EPB41L1: variants seen among roughly 807,000 people sequenced by gnomAD.
EPB41L1 encodes the protein band 4.1-like protein 1.
A neutral mutation model predicts 97.8 loss-of-function variants in EPB41L1; 29 were observed. The ratio of observed to expected loss-of-function variants is 0.30; its 90% CI spans 0.22 to 0.40. EPB41L1 has a LOEUF of 0.40. EPB41L1 is among the 10% of genes least tolerant of loss of function. EPB41L1 has a pLI of 1.00. For missense variants in EPB41L1, 812 were observed against 1,162.3 expected (o/e 0.70, Z 4.38); for synonymous variants, 383 against 459.2 (o/e 0.83, Z 2.12).
In EPB41L1 at chr20:36,222,359, G is replaced by T; in HGVS notation, c.2602G>T (p.Asp868Tyr). The change falls in exon 21 of 22, where the codon GAC (aspartate) becomes TAC (tyrosine). Residue 868 changes from aspartate to tyrosine, a missense_variant. Asp to Tyr is a radical substitution (Grantham distance 160, BLOSUM62 -3). Coordinates refer to ENST00000338074, the MANE Select transcript of EPB41L1 (RefSeq NM_012156.2). ...VTKAVVYRET[D>Y]PSPEERDKKP... Reference sequence around the variant, plus strand: ...CAAAGCTGTCGTATACAGAGAAACAGACCCATCCCCAGAGGAGAGGGACAA... The same window carrying T: ...CAAAGCTGTCGTATACAGAGAAACATACCCATCCCCAGAGGAGAGGGACAA... The T allele has an allele frequency of 2.5e-6, 4 of 1,614,102 alleles. No homozygotes were observed. The highest frequency in any genetic ancestry group is 3.4e-6 in the Non-Finnish European group (4 of 1,180,022).
chr20:36,107,526 T>C (rs1209615893), intron 1 of EPB41L1, among the ~76,000 whole-genome samples: 2 of 151,384 alleles, frequency 1.3e-5, no homozygotes, highest in African/African-American at 4.8e-5. Context: ...GCTTTTTTTT[T>C]TTTTTTTTAA....
rs994177611 is a variant in EPB41L1 at position 36,230,766 on chromosome 20, TTCTC to T, written c.*1430_*1433del. The T allele has an allele frequency of 6.7e-6, 1 of 149,952 alleles. No individual in the cohort carries two copies. The highest frequency in any genetic ancestry group is 2.5e-5 in the African/African-American group (1 of 39,318). 9.3% of individuals were successfully genotyped at this position (149,952 alleles called of 1,614,324 possible). On this transcript the variant is annotated 3_prime_UTR_variant, in exon 22 of 22. Coordinates refer to ENST00000338074, the MANE Select transcript of EPB41L1 (RefSeq NM_012156.2). Reference sequence around the variant, plus strand: ...CCTTGGTTTTCAGTCTTCTCTCTCTTTCTCTCTTTTTTTTTTTTTTGCCACATTC... The same window carrying T: ...CCTTGGTTTTCAGTCTTCTCTCTCTTTCTTTTTTTTTTTTTTGCCACATTC...
Position 36,118,869 on chromosome 20 carries a change from G to C in EPB41L1, c.-10+6389G>C, listed in dbSNP as rs145096772. On this transcript the variant is annotated intron_variant, in intron 2 of 19. Coordinates refer to the EPB41L1 transcript ENST00000202028. ...ACAGCAGCTGTAAGGAGGACTTAGG[G>C]CAAGAATAATGATCCCCATTTAACA... is the stretch of plus-strand genomic sequence containing the variant. Among the ~76,000 whole-genome samples, 409 of 152,226 alleles carry C rather than the reference G, an allele frequency of 2.7e-3. 3 individuals carry two copies. Among genetic ancestry groups the C allele is most frequent in the African/African-American group, 9.4e-3 (389 of 41,530 alleles).
In EPB41L1 at chr20:36,190,830, T is replaced by C. The variant is rs747922966; in HGVS notation, c.1300+33T>C. On this transcript the variant is annotated intron_variant, in intron 11 of 21. Coordinates refer to ENST00000338074, the MANE Select transcript of EPB41L1 (RefSeq NM_012156.2). This position sits in a 1 kb window ranked among gnomAD's most constrained non-coding sequence, Gnocchi z 5.8. ...CCAAATTGGAGGGCTGGGCGGGGAA[T>C]GGTCTTCAGAGGGAACTGGGGGAGT... The C allele has an allele frequency of 6.2e-7, 1 of 1,610,002 alleles. No homozygotes were observed. The highest frequency in any genetic ancestry group is 2.2e-5 in the East Asian group (1 of 44,878).
chr20:36,159,585 C>G (rs528015739), intron 1 of EPB41L1, among the ~76,000 whole-genome samples: 1 of 152,176 alleles, frequency 6.6e-6, no homozygotes, highest in Non-Finnish European at 1.5e-5. Flanking sequence ...TTCATTGTTT[C>G]GTCGCAGCAT....
intron 14 of EPB41L1, among the ~76,000 whole-genome samples, chr20:36,208,734 A>G (rs1271852969): frequency 6.6e-6 from 1 of 152,206 alleles, no homozygotes; most frequent in Non-Finnish European, 1.5e-5. Flanking sequence ...CTGACAGGCC[A>G]GTTGAGAGGT....
chr20:36,157,080 T>A (rs2060335925), intron 1 of EPB41L1, among the ~76,000 whole-genome samples: 1 of 152,056 alleles, frequency 6.6e-6, no homozygotes, highest in African/African-American at 2.4e-5. Flanking sequence ...AAAAATTAGC[T>A]GGGCGTGGTA....
intron 6 of EPB41L1, 98 bp downstream of exon 6, chr20:36,182,445 G>A (rs1330414775): frequency 2.2e-6 from 3 of 1,345,406 alleles, no homozygotes; most frequent in African/African-American, 2.9e-5. Context: ...GACAGCAGCT[G>A]CAAATGCAGT....
At chr20:36,101,244 A>G (rs1329985298) in intron 1 of EPB41L1, among the ~76,000 whole-genome samples, 2 of 152,130 alleles carry the variant, frequency 1.3e-5, no homozygotes, top group African/African-American at 4.8e-5. Context: ...GAAGAAAAAA[A>G]GGAGCTGGCC....
intron 2 of EPB41L1, among the ~76,000 whole-genome samples, chr20:36,147,766 T>G (rs2059897032): frequency 6.6e-6 from 1 of 152,168 alleles, no homozygotes; most frequent in Non-Finnish European, 1.5e-5. Flanking sequence ...TGCCTCTCAC[T>G]GCTCCCAGCC....
At chr20:36,222,832 G>C (rs1385345002) in intron 21 of EPB41L1, among the ~76,000 whole-genome samples, 1 of 152,132 alleles carries the variant, frequency 6.6e-6, no homozygotes, top group African/African-American at 2.4e-5. Context: ...TCTATCACAA[G>C]TCACTGAATG....
chr20:36,197,947 T>C lies in EPB41L1; in HGVS notation c.1574T>C (p.Leu525Pro). 1 of 1,614,022 alleles carries C rather than the reference T, an allele frequency of 6.2e-7. No individual in the cohort carries two copies. The highest frequency in any genetic ancestry group is 8.5e-7 in the Non-Finnish European group (1 of 1,180,004). The stretch of plus-strand genomic sequence containing the variant: ...ACCCTGAAGGAGCCCAACAGCAAAC[T>C]CATCCACCGGGATCGAGACTGGGAA... Reference protein sequence around the residue: ...KRTLKEPNSKLIHRDRDWERE... With the variant: ...KRTLKEPNSKPIHRDRDWERE... Residue 525 changes from leucine (L) to proline (P), a missense_variant, in exon 14 of 22, where the codon CTC becomes CCC. Transcript: ENST00000338074.
At chr20:36,099,390 A>C (rs192485804) in intron 1 of EPB41L1, among the ~76,000 whole-genome samples, 65 of 152,326 alleles carry the variant, frequency 4.3e-4, no homozygotes, top group Non-Finnish European at 5.6e-4. Context: ...TCAAATGTGA[A>C]TAATCATCAT....
rs1168007450 is a variant in EPB41L1, at chr20:36,212,807, C to A, written c.2184+431C>A. ...ATTCAGCTTCAGTCAGAATAGCTCA[C>A]CTTGGGTCATTTTTTATGCATTAGA... On this transcript the variant is annotated intron_variant, in intron 16 of 21. Transcript: ENST00000338074. This position sits in a 1 kb window ranked among gnomAD's most constrained non-coding sequence, Gnocchi z 4.8. Among the ~76,000 whole-genome samples, 3 of 152,162 alleles carry A rather than the reference C, an allele frequency of 2.0e-5. No individual in the cohort carries two copies. The highest frequency in any genetic ancestry group is 4.4e-5 in the Non-Finnish European group (3 of 68,022).
intron 14 of EPB41L1, chr20:36,200,913 C>T (rs1192016678): frequency 2.2e-6 from 1 of 456,612 alleles, no homozygotes; most frequent in Non-Finnish European, 4.4e-6. Flanking sequence ...GACTTGGTAC[C>T]TGAGCCTGGA....
In EPB41L1 at chr20:36,212,517, C is replaced by T; in HGVS notation, c.2184+141C>T. On this transcript the variant is annotated intron_variant, in intron 16 of 21. Transcript: ENST00000338074. This position sits in a 1 kb window ranked among gnomAD's most constrained non-coding sequence, Gnocchi z 4.8. The stretch of plus-strand genomic sequence containing the variant: ...CCCATATGTTAATCCTGATGCTCTC[C>T]TGTGCCTCAGTGTCCTCTCTGAGCT... The T allele has an allele frequency of 1.4e-6, 1 of 727,496 alleles. No homozygotes were observed. Among genetic ancestry groups the T allele is most frequent in the Non-Finnish European group, 2.4e-6 (1 of 422,486 alleles). 45.1% of individuals were successfully genotyped at this position (727,496 alleles called of 1,614,324 possible). A position where few individuals can be genotyped will look rare whatever the true frequency, so the allele number is the denominator to read the frequency against.
intron 2 of EPB41L1, among the ~76,000 whole-genome samples, chr20:36,118,164 T>C (rs774640841): frequency 5.3e-5 from 8 of 152,174 alleles, no homozygotes; most frequent in African/African-American, 1.4e-4. Context: ...ACTAATACGA[T>C]GGGCCTTTCC....
intron 14 of EPB41L1, among the ~76,000 whole-genome samples, chr20:36,203,077 G>T (rs2062590987): frequency 6.6e-6 from 1 of 152,246 alleles, no homozygotes; most frequent in African/African-American, 2.4e-5. Flanking sequence ...CTGCGGGGCT[G>T]CGGCTACCTG....
intron 2 of EPB41L1, among the ~76,000 whole-genome samples, chr20:36,174,787 T>G (rs1333058585): frequency 6.6e-6 from 1 of 152,148 alleles, no homozygotes; most frequent in East Asian, 1.9e-4. Context: ...ATTTTACACC[T>G]GGGGAAACTG....
Sources: gnomAD v4.1 joint callset for allele counts (sites outside exome capture counted in the v4.1 genomes callset) on GRCh38, gnomAD v4.1.1 for gene constraint, Gnocchi (gnomAD v3.1) non-coding constraint, MANE v1.5 for transcripts, NCBI Gene and HGNC (gene_info 2026-07-23, HGNC 2026-07-21) for gene names.